VTCN1: variants seen among roughly 807,000 people sequenced by gnomAD.
VTCN1 encodes the protein V-set domain-containing T-cell activation inhibitor 1.
Under a neutral mutation model 26.5 loss-of-function variants are expected in VTCN1, and 26 were observed. That is an observed-to-expected ratio of 0.98 (90% CI 0.72 to 1.36). The LOEUF (loss-of-function observed/expected upper bound fraction) is 1.36. Among genes scored for constraint, VTCN1 ranks in the 40% most tolerant of loss-of-function variants. VTCN1 has a pLI of 0.00. For synonymous variants in VTCN1, 116 were observed against 130.7 expected (o/e 0.89, Z 0.77); for missense variants, 298 against 337.7 (o/e 0.88, Z 0.92).
At chr1:117,186,714 A>C (rs995755581) in intron 1 of VTCN1, among the ~76,000 whole-genome samples, 6 of 152,198 alleles carry the variant, frequency 3.9e-5, no homozygotes, top group Non-Finnish European at 8.8e-5. Flanking sequence ...CCATGAAGCC[A>C]TGGGCACTGT....
At chr1:117,195,201 G>T (rs1252972394) in intron 1 of VTCN1, among the ~76,000 whole-genome samples, 1 of 151,714 alleles carries the variant, frequency 6.6e-6, no homozygotes, top group Non-Finnish European at 1.5e-5. Context: ...GACAGAGGTT[G>T]CAGTGAGCAG....
chr1:117,204,737 G>A (rs940752705), intron 1 of VTCN1, among the ~76,000 whole-genome samples: 4 of 151,976 alleles, frequency 2.6e-5, no homozygotes, highest in Non-Finnish European at 5.9e-5. Context: ...GTGGTGGCAT[G>A]CACCTGTAGT....
intron 2 of VTCN1, among the ~76,000 whole-genome samples, chr1:117,160,094 T>A (rs1407830533): frequency 6.6e-6 from 1 of 152,102 alleles, no homozygotes; most frequent in Non-Finnish European, 1.5e-5. Context: ...GGCTTGGATA[T>A]GAAACTAAGG....
chr1:117,202,909 A>C (rs1648857501), intron 1 of VTCN1, among the ~76,000 whole-genome samples: 1 of 152,114 alleles, frequency 6.6e-6, no homozygotes, highest in Non-Finnish European at 1.5e-5. Context: ...GTAGCTGGAG[A>C]GGTTGTGGGG....
intron 1 of VTCN1, among the ~76,000 whole-genome samples, chr1:117,209,589 G>C (rs1048347010): frequency 9.2e-5 from 14 of 152,194 alleles, no homozygotes; most frequent in African/African-American, 3.4e-4. Flanking sequence ...CTCACAAAAT[G>C]CTAGCTCCTC....
At chr1:117,174,414 G>A (rs1384864584) in intron 1 of VTCN1, among the ~76,000 whole-genome samples, 4 of 152,200 alleles carry the variant, frequency 2.6e-5, no homozygotes, top group Admixed American at 6.5e-5. Flanking sequence ...TTAAACTGAC[G>A]TGACATACAC....
In VTCN1 at chr1:117,145,380, A is replaced by G. The variant is rs1405253592; in HGVS notation, c.*46-155T>C. Among the ~76,000 whole-genome samples, 6 of 152,198 alleles carry G rather than the reference A, an allele frequency of 3.9e-5. No homozygotes were observed. Among genetic ancestry groups the G allele is most frequent in the Non-Finnish European group, 5.9e-5 (4 of 68,042 alleles). ...TTTGATGTTGTTCTATTGAGGCCAC[A>G]TGGTCCCATGGGTTGCTGGGGAAAA... On this transcript the variant is annotated intron_variant, in intron 5 of 5. Transcript: ENST00000369458. The surrounding 1 kb of genome is among the most constrained non-coding windows in gnomAD (Gnocchi z 4.6).
intron 1 of VTCN1, among the ~76,000 whole-genome samples, chr1:117,208,478 C>G (rs1281769483): frequency 6.6e-6 from 1 of 152,160 alleles, no homozygotes; most frequent in African/African-American, 2.4e-5. Flanking sequence ...GGGAGTCTTT[C>G]TCCTCCATTA....
At position 117,146,692 on chromosome 1, in the gene VTCN1, A is replaced by C. The variant is rs1651526269; in HGVS notation, c.*45+921T>G. On this transcript the variant is annotated intron_variant, in intron 5 of 5. Coordinates refer to ENST00000369458, the MANE Select transcript of VTCN1 (RefSeq NM_024626.4). This position sits in a 1 kb window ranked among gnomAD's most constrained non-coding sequence, Gnocchi z 4.2. The stretch of plus-strand genomic sequence containing the variant: ...GGTAGTGGTAGGCAGCAGTAGTGGT[A>C]GGTAGTAATGGTGGGTAGGTATGCT... Among the ~76,000 whole-genome samples the C allele has an allele frequency of 6.6e-6, 1 of 152,176 alleles. No individual in the cohort carries two copies. Among genetic ancestry groups the C allele is most frequent in the Admixed American group, 6.5e-5 (1 of 15,270 alleles).
At chr1:117,203,527 G>A in intron 1 of VTCN1, 2 of 817,366 alleles carry the variant, frequency 2.4e-6, no homozygotes, top group Non-Finnish European at 3.0e-6. Context: ...CACATCTGAA[G>A]TGATGTGATA....
chr1:117,199,695 G>A (rs1017503658), intron 1 of VTCN1, among the ~76,000 whole-genome samples: 2 of 150,710 alleles, frequency 1.3e-5, no homozygotes, highest in African/African-American at 4.9e-5. Context: ...AAGTACAGTG[G>A]TGCAGTCGTG....
chr1:117,205,807 A>G (rs1649027259), intron 1 of VTCN1, among the ~76,000 whole-genome samples: 2 of 152,224 alleles, frequency 1.3e-5, no homozygotes, highest in African/African-American at 2.4e-5. Context: ...CAACATTTGC[A>G]TCTGTGAAAT....
chr1:117,205,312 A>T (rs906896851), intron 1 of VTCN1, among the ~76,000 whole-genome samples: 12 of 151,482 alleles, frequency 7.9e-5, no homozygotes, highest in African/African-American at 2.9e-4. Context: ...GTACCACCAC[A>T]CCTTGTTGAT....
chr1:117,155,129 C>T lies in VTCN1; in HGVS notation c.445+1445G>A, dbSNP rs962223401. Among the ~76,000 whole-genome samples, 3 of 152,116 alleles carry T rather than the reference C, an allele frequency of 2.0e-5. No homozygotes were observed. The highest frequency in any genetic ancestry group is 1.3e-4 in the Admixed American group (2 of 15,268). On this transcript the variant is annotated intron_variant, in intron 3 of 5. Coordinates refer to ENST00000369458, the MANE Select transcript of VTCN1 (RefSeq NM_024626.4). This position sits in a 1 kb window ranked among gnomAD's most constrained non-coding sequence, Gnocchi z 4.8. ...ACTGGTTAGGTATTCTGTAGGTTGC[C>T]CCTCTGTTAGAATTCATCTGATGTT...
intron 1 of VTCN1, among the ~76,000 whole-genome samples, chr1:117,170,736 A>C (rs780564714): frequency 6.6e-6 from 1 of 152,372 alleles, no homozygotes; most frequent in East Asian, 1.9e-4. Flanking sequence ...TATTTACTAC[A>C]GAAAGTTTAG....
In VTCN1 at chr1:117,147,081, C is replaced by T. The variant is rs2101419672; in HGVS notation, c.*45+532G>A. Among the ~76,000 whole-genome samples, 1 of 152,172 alleles carries T rather than the reference C, an allele frequency of 6.6e-6. No individual in the cohort carries two copies. Among genetic ancestry groups the T allele is most frequent in the East Asian group, 1.9e-4 (1 of 5,168 alleles). ...GGAGTATCGACTGGAACTTCATGAT[C>T]TCAGCTTTATACACATTTCATATGC... On this transcript the variant is annotated intron_variant, in intron 5 of 5. Coordinates refer to ENST00000369458, the MANE Select transcript of VTCN1 (RefSeq NM_024626.4). The surrounding 1 kb of genome is among the most constrained non-coding windows in gnomAD (Gnocchi z 4.6).
At chr1:117,150,990 T>C (rs968037385) in intron 4 of VTCN1, among the ~76,000 whole-genome samples, 1 of 152,222 alleles carries the variant, frequency 6.6e-6, no homozygotes, top group Non-Finnish European at 1.5e-5. Flanking sequence ...TGTATGTGTA[T>C]ACCATATTTT....
chr1:117,200,178 G>A (rs1648723707), intron 1 of VTCN1, among the ~76,000 whole-genome samples: 1 of 152,168 alleles, frequency 6.6e-6, no homozygotes, highest in African/African-American at 2.4e-5. Context: ...GAAGTGGGAG[G>A]ATTGCTTGAG....
rs377445675 is a variant in VTCN1, at chr1:117,170,098, A to G, written c.97+9T>C. 286 of 1,612,386 alleles carry G rather than the reference A, an allele frequency of 1.8e-4. No homozygotes were observed. The highest frequency in any genetic ancestry group is 2.3e-4 in the Non-Finnish European group (273 of 1,178,590). Reference sequence around the variant, plus strand: ...TGAATAGATTGTAGTAATGCAAGAAATCACATACCTGAAATACCAAAGCCA... The same window carrying G: ...TGAATAGATTGTAGTAATGCAAGAAGTCACATACCTGAAATACCAAAGCCA... On this transcript the variant is annotated intron_variant, in intron 2 of 5. Coordinates refer to ENST00000369458, the MANE Select transcript of VTCN1 (RefSeq NM_024626.4).
Sources: gnomAD v4.1 joint callset for allele counts (sites outside exome capture counted in the v4.1 genomes callset) on GRCh38, gnomAD v4.1.1 for gene constraint, Gnocchi (gnomAD v3.1) non-coding constraint, MANE v1.5 for transcripts, NCBI Gene and HGNC (gene_info 2026-07-23, HGNC 2026-07-21) for gene names.